Variants in RPS6KA5 observed in about 807,000 individuals in gnomAD.
The protein encoded by RPS6KA5 is ribosomal protein S6 kinase alpha-5.
Under a neutral mutation model 85.5 loss-of-function variants are expected in RPS6KA5, and 27 were observed. That is an observed-to-expected ratio of 0.32 (90% CI 0.23 to 0.44). The LOEUF is 0.44. Ranked by LOEUF, RPS6KA5 falls within the 20% of genes least tolerant of loss-of-function variation. The probability of loss-of-function intolerance (pLI) is 1.00; values close to 1 mark genes in which losing one functional copy is unlikely to be tolerated. For synonymous variants in RPS6KA5, 334 were observed against 348.2 expected (o/e 0.96, Z 0.46); for missense variants, 811 against 980.9 (o/e 0.83, Z 2.31).
chr14:90,929,834 TTTTC>T (rs2036876361), intron 5 of RPS6KA5, among the ~76,000 whole-genome samples: 1 of 152,140 alleles, frequency 6.6e-6, no homozygotes, highest in Admixed American at 6.5e-5. Flanking sequence ...AGATCTCACC[TTTTC>T]AGAATCAAGA....
At chr14:90,958,931 G>A (rs57048123) in intron 3 of RPS6KA5, among the ~76,000 whole-genome samples, 7 of 152,016 alleles carry the variant, frequency 4.6e-5, no homozygotes, top group African/African-American at 4.8e-5. Context: ...AGGCCTCAGC[G>A]AGGTGACTTT....
At chr14:91,047,990 A>G (rs1009387915) in intron 1 of RPS6KA5, among the ~76,000 whole-genome samples, 1 of 152,126 alleles carries the variant, frequency 6.6e-6, no homozygotes, top group African/African-American at 2.4e-5. Flanking sequence ...TTGAGCCCAC[A>G]TGGATTACCC....
In RPS6KA5 at chr14:91,030,611, G is replaced by GAAAAAAAAAAAAAAAAAAAAAAAAAAAAA. The variant is rs58737573; in HGVS notation, c.104-29453_104-29452insTTTTTTTTTTTTTTTTTTTTTTTTTTTTT. Among the ~76,000 whole-genome samples, 5 of 22,020 alleles carry GAAAAAAAAAAAAAAAAAAAAAAAAAAAAA rather than the reference G, an allele frequency of 2.3e-4. 1 individual carries two copies. Among genetic ancestry groups the GAAAAAAAAAAAAAAAAAAAAAAAAAAAAA allele is most frequent in the Non-Finnish European group, 4.5e-4 (5 of 11,032 alleles). 14.4% of individuals were successfully genotyped at this position (22,020 alleles called of 152,430 possible). A position where few individuals can be genotyped will look rare whatever the true frequency, so the allele number is the denominator to read the frequency against. On this transcript the variant is annotated intron_variant, in intron 1 of 16. Transcript: ENST00000614987. ...AACATGCAAGACACCAAAATAAACA[G>GAAAAAAAAAAAAAAAAAAAAAAAAAAAAA]AAAAAAAAAAAAAAAAAAAAAAAAA...
At chr14:90,945,532 T>C (rs1326910208) in intron 4 of RPS6KA5, among the ~76,000 whole-genome samples, 2 of 152,234 alleles carry the variant, frequency 1.3e-5, no homozygotes, top group Non-Finnish European at 2.9e-5. Flanking sequence ...AGTAGCTTTA[T>C]CAAGATTAAC....
chr14:91,030,609 C>CAAAAAAAAA (rs1566885218), intron 1 of RPS6KA5, among the ~76,000 whole-genome samples: 1 of 956 alleles, frequency 1.0e-3, no homozygotes, highest in African/African-American at 3.1e-3. Flanking sequence ...CCAAAATAAA[C>CAAAAAAAAA]AGAAAAAAAA....
chr14:90,940,978 C>G (rs1485673286), intron 5 of RPS6KA5, among the ~76,000 whole-genome samples: 1 of 152,168 alleles, frequency 6.6e-6, no homozygotes, highest in Non-Finnish European at 1.5e-5. Flanking sequence ...AAACCAGTCC[C>G]TAGTGCCAAA....
chr14:91,057,634 A>G (rs142829905), intron 1 of RPS6KA5, among the ~76,000 whole-genome samples: 1 of 152,238 alleles, frequency 6.6e-6, no homozygotes, highest in Non-Finnish European at 1.5e-5. Context: ...ACAGAAAAAG[A>G]TAACAGCCAG....
intron 11 of RPS6KA5, 49 bp from the exon 12 acceptor site, chr14:90,899,471 T>C: frequency 7.8e-7 from 1 of 1,282,660 alleles, no homozygotes; most frequent in Non-Finnish European, 1.1e-6. Context: ...AGAAAGTTTT[T>C]ATATCAGTAC....
At chr14:91,003,819 C>T (rs1217208493) in intron 1 of RPS6KA5, among the ~76,000 whole-genome samples, 1 of 152,168 alleles carries the variant, frequency 6.6e-6, no homozygotes, top group East Asian at 1.9e-4. Context: ...TAGCCCTGGG[C>T]TTATGAAGAA....
intron 3 of RPS6KA5, among the ~76,000 whole-genome samples, chr14:90,964,881 C>G (rs1408599137): frequency 7.1e-6 from 1 of 141,736 alleles, no homozygotes. Context: ...TGCCACTGCA[C>G]TCCAGCCTTG....
intron 7 of RPS6KA5, among the ~76,000 whole-genome samples, chr14:90,918,870 C>G (rs1346273493): frequency 6.6e-6 from 1 of 152,064 alleles, no homozygotes; most frequent in Non-Finnish European, 1.5e-5. Flanking sequence ...ATTACTGTAA[C>G]TTAGAACAAA....
rs2040929471 is a variant in RPS6KA5 at position 91,004,598 on chromosome 14, C to A, written c.104-3439G>T. 2.0e-5 allele frequency among the ~76,000 whole-genome samples: 3 copies of A among 152,188 alleles called. No homozygotes were observed. The East Asian group carries it at 5.8e-4, about 29-fold the overall frequency. On this transcript the variant is annotated intron_variant, in intron 1 of 16. Coordinates refer to ENST00000614987, the MANE Select transcript of RPS6KA5 (RefSeq NM_004755.4). ...GGTCCAACTTACATACAATAAAATT[C>A]ACTTATTTAAATGAACAGTTTGATG...
rs1422634545 is a variant in RPS6KA5 at position 90,868,991 on chromosome 14, C to T, written c.*3083G>A. On this transcript the variant is annotated 3_prime_UTR_variant, in exon 17 of 17. Transcript: ENST00000614987. ...GAAATTAACTCAGGAGACTGACTTT[C>T]TATTCTAGTAATTCAGTGGTTTCTT... 6.6e-6 allele frequency: 1 copy of T among 152,142 alleles called. No individual in the cohort carries two copies. The highest frequency in any genetic ancestry group is 2.4e-5 in the African/African-American group (1 of 41,444). 9.4% of individuals were successfully genotyped at this position (152,142 alleles called of 1,614,324 possible).
chr14:90,931,650 T>G (rs1244464594), intron 5 of RPS6KA5, among the ~76,000 whole-genome samples: 1 of 152,122 alleles, frequency 6.6e-6, no homozygotes, highest in African/African-American at 2.4e-5. Flanking sequence ...CAAGTTAAAA[T>G]TTTAGAAAAG....
At chr14:91,051,643 G>A (rs1290506551) in intron 1 of RPS6KA5, among the ~76,000 whole-genome samples, 12 of 151,634 alleles carry the variant, frequency 7.9e-5, no homozygotes, top group African/African-American at 2.9e-4. Flanking sequence ...GCCCGCCACC[G>A]TGCCCAGCTA....
chr14:90,954,891 T>C (rs527283983), intron 3 of RPS6KA5, among the ~76,000 whole-genome samples: 1 of 152,366 alleles, frequency 6.6e-6, no homozygotes, highest in East Asian at 1.9e-4. Flanking sequence ...TATGTTGGTA[T>C]ACAGTTGTTC....
intron 1 of RPS6KA5, among the ~76,000 whole-genome samples, chr14:91,010,468 A>G (rs1341619745): frequency 6.6e-6 from 1 of 152,214 alleles, no homozygotes; most frequent in Non-Finnish European, 1.5e-5. Flanking sequence ...AAATTGTTCA[A>G]TAACATTGCA....
intron 2 of RPS6KA5, among the ~76,000 whole-genome samples, chr14:90,986,598 T>A (rs925301894): frequency 6.6e-6 from 1 of 152,220 alleles, no homozygotes. Context: ...CCACCTGTAG[T>A]GGGTGCTGAT....
intron 1 of RPS6KA5, among the ~76,000 whole-genome samples, chr14:91,050,569 T>C (rs568052723): frequency 2.6e-5 from 4 of 152,150 alleles, no homozygotes; most frequent in Non-Finnish European, 5.9e-5. Context: ...GCTGGGATTA[T>C]AGGCATCTGC....
Sources: gnomAD v4.1 joint callset for allele counts (sites outside exome capture counted in the v4.1 genomes callset) on GRCh38, gnomAD v4.1.1 for gene constraint, MANE v1.5 for transcripts, NCBI Gene and HGNC (gene_info 2026-07-23, HGNC 2026-07-21) for gene names.